The following FNDC3B variants were observed in gnomAD, a reference collection of about 807,000 sequenced individuals.
The protein encoded by FNDC3B is fibronectin type III domain-containing protein 3B.
A neutral mutation model predicts 151.5 loss-of-function variants in FNDC3B; 12 were observed. That is an observed-to-expected ratio of 0.08 (90% confidence interval 0.05 to 0.13). FNDC3B has a LOEUF of 0.13. Among genes scored for constraint, FNDC3B ranks in the 10% least tolerant of loss-of-function variants. The pLI, the probability that FNDC3B is intolerant of heterozygous loss-of-function variation, is 1.00. For missense variants in FNDC3B, 1,214 were observed against 1,505.3 expected, an observed-to-expected ratio of 0.81 and a Z score of 3.20; for synonymous variants, 528 against 549.0, an observed-to-expected ratio of 0.96 and a Z score of 0.54.
intron 1 of FNDC3B, among the ~76,000 whole-genome samples, chr3:172,068,795 T>C (rs145349350): frequency 5.8e-4 from 89 of 152,274 alleles, no homozygotes; most frequent in African/African-American, 1.9e-3. Context: ...CCAGACTGAG[T>C]GCTTGCTATG....
intron 11 of FNDC3B, among the ~76,000 whole-genome samples, chr3:172,312,215 C>T (rs1444894203): frequency 6.6e-6 from 1 of 152,140 alleles, no homozygotes; most frequent in Non-Finnish European, 1.5e-5. Context: ...CATATTTTCC[C>T]ATCTGGGTTG....
intron 23 of FNDC3B, among the ~76,000 whole-genome samples, chr3:172,368,451 T>C (rs542459549): frequency 1.4e-4 from 22 of 152,264 alleles, no homozygotes; most frequent in Non-Finnish European, 2.4e-4. Flanking sequence ...CCCTCAGGAT[T>C]TGTTTCCAGT....
intron 1 of FNDC3B, among the ~76,000 whole-genome samples, chr3:172,078,420 T>C (rs1199492235): frequency 3.3e-5 from 5 of 152,230 alleles, no homozygotes. Context: ...TGTTTTGTAC[T>C]ATGGACCTGT....
At chr3:172,048,329 C>G (rs574978513) in intron 1 of FNDC3B, among the ~76,000 whole-genome samples, 1 of 152,000 alleles carries the variant, frequency 6.6e-6, no homozygotes, top group Non-Finnish European at 1.5e-5. Flanking sequence ...TTAAGTCATT[C>G]AATGGGAAAG....
At chr3:172,184,920 G>A (rs752031480) in intron 3 of FNDC3B, among the ~76,000 whole-genome samples, 4 of 151,806 alleles carry the variant, frequency 2.6e-5, no homozygotes, top group Non-Finnish European at 4.4e-5. Flanking sequence ...TCCCACAAAT[G>A]AACTTAAGAT....
chr3:172,256,560 C>G (rs1433471356), intron 6 of FNDC3B, among the ~76,000 whole-genome samples: 2 of 152,170 alleles, frequency 1.3e-5, no homozygotes, highest in Admixed American at 1.3e-4. Context: ...AAAGAAGTTT[C>G]TGTTGCTCTT....
In FNDC3B at chr3:172,347,327, T is replaced by C. The variant is rs371088029; in HGVS notation, c.2480T>C (p.Leu827Pro). The change falls in exon 21 of 26, where the codon CTG becomes CCG. Residue 827 changes from leucine (L) to proline (P), a missense_variant. Transcript: ENST00000415807. ...GACACCCGTTTTGAAATAAGAGACC[T>C]GTTGCCTGCTGCACAGTATTGCTGT... ...GTDTRFEIRD[L>P]LPAAQYCCRL... 6.3e-5 allele frequency: 102 copies of C among 1,613,962 alleles called. No individual in the cohort carries two copies. The highest frequency in any genetic ancestry group is 8.0e-5 in the African/African-American group (6 of 74,912).
intron 3 of FNDC3B, among the ~76,000 whole-genome samples, chr3:172,195,718 TA>T (rs1416525678): frequency 6.6e-6 from 1 of 152,218 alleles, no homozygotes; most frequent in African/African-American, 2.4e-5. Flanking sequence ...TTTGTAGCAG[TA>T]CAGGTTAAGT....
intron 7 of FNDC3B, among the ~76,000 whole-genome samples, chr3:172,291,217 C>G (rs1199829438): frequency 6.6e-6 from 1 of 151,452 alleles, no homozygotes; most frequent in African/African-American, 2.4e-5. Flanking sequence ...TTTCCTTATA[C>G]ACACACATAT....
At chr3:172,111,061 T>TG (rs564705987) in intron 1 of FNDC3B, among the ~76,000 whole-genome samples, 51 of 140,152 alleles carry the variant, frequency 3.6e-4, no homozygotes, top group African/African-American at 1.4e-3. Context: ...ATCATGCCAC[T>TG]GCACTCCAGC....
At position 172,084,186 on chromosome 3, in the gene FNDC3B, C is replaced by T. The variant is rs150135126; in HGVS notation, c.-28-28266C>T. 3.0e-4 allele frequency among the ~76,000 whole-genome samples: 45 copies of T among 152,118 alleles called. 1 individual carries two copies. Among genetic ancestry groups the T allele is most frequent in the African/African-American group, 9.6e-4 (40 of 41,490 alleles). ...ATTCTGGGCTGGGTGCCGTGGCTCA[C>T]GTCTTTAATCCCAGTAGCTTGGGAG... is the stretch of plus-strand genomic sequence containing the variant. On this transcript the variant is annotated intron_variant, in intron 1 of 25. Transcript: ENST00000415807.
rs375969069 is a variant in FNDC3B at position 172,152,631 on chromosome 3, A to G, written c.187+19085A>G. Reference sequence around the variant, plus strand: ...GTATTTTTGGAGAGAAGGTTTTGACATTGGGGCTGTCTTTTAAGAGCCCTT... The same window carrying G: ...GTATTTTTGGAGAGAAGGTTTTGACGTTGGGGCTGTCTTTTAAGAGCCCTT... On this transcript the variant is annotated intron_variant, in intron 3 of 25. Coordinates refer to ENST00000415807, the MANE Select transcript of FNDC3B (RefSeq NM_022763.4). 3.2e-5 allele frequency among the ~76,000 whole-genome samples: 4 copies of G among 124,776 alleles called. No individual in the cohort carries two copies. The East Asian group carries it at 8.4e-4, about 26-fold the overall frequency. The allele number at this position is 124,776 out of a possible 152,430, so 81.9% of individuals were successfully genotyped here.
intron 11 of FNDC3B, among the ~76,000 whole-genome samples, chr3:172,318,687 T>C (rs1402868180): frequency 6.6e-6 from 1 of 152,166 alleles, no homozygotes; most frequent in Non-Finnish European, 1.5e-5. Flanking sequence ...AGTGTGTTGG[T>C]TGGTTTCATG....
intron 3 of FNDC3B, among the ~76,000 whole-genome samples, chr3:172,166,142 T>C (rs1281957558): frequency 1.3e-5 from 2 of 152,140 alleles, no homozygotes; most frequent in African/African-American, 2.4e-5. Flanking sequence ...TTGCTTTACA[T>C]TGGTGAAAAA....
chr3:172,348,505 G>A (rs1733710623), intron 21 of FNDC3B, among the ~76,000 whole-genome samples: 1 of 152,284 alleles, frequency 6.6e-6, no homozygotes, highest in Admixed American at 6.5e-5. Flanking sequence ...TGAGTCACTG[G>A]GGAAAGGTTA....
chr3:172,109,209 A>T (rs1201708475), intron 1 of FNDC3B, among the ~76,000 whole-genome samples: 5 of 134,264 alleles, frequency 3.7e-5, no homozygotes, highest in African/African-American at 1.5e-4. Context: ...TCTGTCACCC[A>T]GGCTGGAGTG....
intron 3 of FNDC3B, among the ~76,000 whole-genome samples, chr3:172,152,001 G>A (rs543741400): frequency 5.1e-4 from 77 of 152,158 alleles, no homozygotes; most frequent in Non-Finnish European, 1.0e-3. Context: ...ATATCCACTT[G>A]TGGATACTCA....
intron 11 of FNDC3B, among the ~76,000 whole-genome samples, chr3:172,319,310 C>T (rs2108267771): frequency 6.6e-6 from 1 of 152,252 alleles, no homozygotes; most frequent in South Asian, 2.1e-4. Context: ...CCCTCGGCTC[C>T]CTTGCTCCCC....
intron 3 of FNDC3B, among the ~76,000 whole-genome samples, chr3:172,175,472 C>G (rs1368228708): frequency 2.6e-5 from 4 of 152,086 alleles, no homozygotes; most frequent in Non-Finnish European, 5.9e-5. Flanking sequence ...CAACTGGGAC[C>G]TACTATTCTC....
Sources: gnomAD v4.1 joint callset for allele counts (sites outside exome capture counted in the v4.1 genomes callset) on GRCh38, gnomAD v4.1.1 for gene constraint, MANE v1.5 for transcripts, NCBI Gene and HGNC (gene_info 2026-07-23, HGNC 2026-07-21) for gene names.